The following DLGAP2 variants were observed in gnomAD, a reference collection of about 807,000 sequenced individuals.
The protein encoded by DLGAP2 is disks large-associated protein 2.
Under a neutral mutation model 100.3 loss-of-function variants are expected in DLGAP2, and 26 were observed. The observed-to-expected ratio is 0.26, with a 90% CI of 0.19 to 0.36. The LOEUF (loss-of-function observed/expected upper bound fraction) is 0.36. Ranked by LOEUF, DLGAP2 falls within the 10% of genes least tolerant of loss-of-function variation. The pLI is 1.00. For synonymous variants in DLGAP2, 886 were observed against 630.1 expected (o/e 1.41, Z -6.08); for missense variants, 1,858 against 1,453.2 (o/e 1.28, Z -4.53).
intron 2 of DLGAP2, among the ~76,000 whole-genome samples, chr8:1,211,345 A>G (rs1798100544): frequency 1.3e-5 from 2 of 152,228 alleles, no homozygotes; most frequent in African/African-American, 4.8e-5. Flanking sequence ...AATGAACACC[A>G]CCAGCCAACG....
At chr8:788,813 C>T (rs1017633762) in intron 1 of DLGAP2, among the ~76,000 whole-genome samples, 2 of 152,146 alleles carry the variant, frequency 1.3e-5, no homozygotes, top group African/African-American at 2.4e-5. Flanking sequence ...TCTACTTTAT[C>T]GAAAGGTTAA....
chr8:1,239,491 TCACA>T (rs529530567), intron 2 of DLGAP2, among the ~76,000 whole-genome samples: 526 of 72,950 alleles, frequency 7.2e-3, no homozygotes, highest in African/African-American at 0.022. Context: ...TAGTTCTGTC[TCACA>T]CAGAGCATCG....
intron 2 of DLGAP2, among the ~76,000 whole-genome samples, chr8:947,837 A>G (rs1291266335): frequency 8.9e-6 from 1 of 111,922 alleles, no homozygotes; most frequent in Non-Finnish European, 1.9e-5. Context: ...ATGGCTCCCG[A>G]CCCCGTGCCA....
At chr8:1,258,958 C>T (rs1799286397) in intron 3 of DLGAP2, 75 bp downstream of exon 3, 1 of 1,164,242 alleles carries the variant, frequency 8.6e-7, no homozygotes, top group Non-Finnish European at 1.1e-6. Context: ...AACAGTCTAC[C>T]ATGAAACGTG....
chr8:1,073,422 C>T (rs1262084587), intron 2 of DLGAP2, among the ~76,000 whole-genome samples: 1 of 151,998 alleles, frequency 6.6e-6, no homozygotes, highest in Admixed American at 6.6e-5. Flanking sequence ...TATGATAGAA[C>T]TATTTTTGTA....
At chr8:1,121,512 A>T (rs17753179) in intron 2 of DLGAP2, among the ~76,000 whole-genome samples, 33,907 of 151,512 alleles carry the variant, frequency 0.22, 4,414 homozygotes, top group Admixed American at 0.31. Context: ...TTCCTCCAGA[A>T]TCCATTACCA....
At chr8:995,142 G>T (rs1297615510) in intron 2 of DLGAP2, among the ~76,000 whole-genome samples, 1 of 151,866 alleles carries the variant, frequency 6.6e-6, no homozygotes, top group East Asian at 1.9e-4. Flanking sequence ...CTTTTAATTG[G>T]GTAATATTGA....
At chr8:1,476,087 G>A (rs973137627) in intron 3 of DLGAP2, among the ~76,000 whole-genome samples, 7 of 152,146 alleles carry the variant, frequency 4.6e-5, no homozygotes, top group Non-Finnish European at 4.4e-5. Flanking sequence ...ATTATAGGGC[G>A]TACAGTAACC....
intron 1 of DLGAP2, among the ~76,000 whole-genome samples, chr8:884,477 G>A (rs544330096): frequency 6.6e-5 from 10 of 151,766 alleles, no homozygotes; most frequent in Admixed American, 5.2e-4. Context: ...CCCACTTTTC[G>A]ATGTTTTTTT....
chr8:1,542,817 T>A (rs771667131), intron 4 of DLGAP2, among the ~76,000 whole-genome samples: 1 of 152,166 alleles, frequency 6.6e-6, no homozygotes, highest in East Asian at 1.9e-4. Flanking sequence ...CCCTCCAGCC[T>A]GTTCTCCCTT....
chr8:1,263,618 T>C (rs1349855535), intron 3 of DLGAP2, among the ~76,000 whole-genome samples: 1 of 152,224 alleles, frequency 6.6e-6, no homozygotes, highest in Non-Finnish European at 1.5e-5. Flanking sequence ...TGCAGTCTCC[T>C]TAGTGGGTTT....
chr8:1,546,820 C>G (rs981823852), intron 4 of DLGAP2, among the ~76,000 whole-genome samples: 6 of 152,088 alleles, frequency 3.9e-5, no homozygotes, highest in African/African-American at 1.4e-4. Flanking sequence ...GGGAGAGACG[C>G]TTATGGTGAC....
chr8:1,230,022 C>A (rs1429357431), intron 2 of DLGAP2, among the ~76,000 whole-genome samples: 4 of 152,078 alleles, frequency 2.6e-5, no homozygotes, highest in African/African-American at 9.7e-5. Context: ...AACAATCAGG[C>A]AAGAAAACGT....
At chr8:1,280,274 A>C (rs956207728) in intron 3 of DLGAP2, among the ~76,000 whole-genome samples, 2 of 152,124 alleles carry the variant, frequency 1.3e-5, no homozygotes, top group African/African-American at 2.4e-5. Context: ...CCATCTCTGC[A>C]CTTAGTTTAT....
At position 805,861 on chromosome 8, in the gene DLGAP2, G is replaced by A. The variant is rs538396991; in HGVS notation, c.18+68036G>A. Among the ~76,000 whole-genome samples the A allele has an allele frequency of 1.1e-4, 16 of 152,278 alleles. No individual in the cohort carries two copies. In the South Asian group the frequency reaches 2.9e-3, roughly 28 times the overall value. On this transcript the variant is annotated intron_variant, in intron 1 of 14. Transcript: ENST00000637795. Reference sequence around the variant, plus strand: ...TTTAAACGGTAGTTTCTAATGTCCCGTACACGTCTTGTTTGGATGTGGTCC... The same window carrying A: ...TTTAAACGGTAGTTTCTAATGTCCCATACACGTCTTGTTTGGATGTGGTCC...
At chr8:1,370,668 G>A (rs988243372) in intron 3 of DLGAP2, among the ~76,000 whole-genome samples, 1 of 152,206 alleles carries the variant, frequency 6.6e-6, no homozygotes, top group Admixed American at 6.5e-5. Context: ...CCATCTGAAG[G>A]CACCTGTTCC....
intron 2 of DLGAP2, among the ~76,000 whole-genome samples, chr8:1,121,590 C>G (rs1474318148): frequency 1.3e-5 from 2 of 152,192 alleles, no homozygotes; most frequent in Non-Finnish European, 2.9e-5. Flanking sequence ...GACCTCCCAT[C>G]CTCTTTCCTT....
At chr8:1,184,219 A>G (rs753363478) in intron 2 of DLGAP2, among the ~76,000 whole-genome samples, 8 of 152,272 alleles carry the variant, frequency 5.3e-5, no homozygotes. Context: ...AAAGGTTAAA[A>G]TTTAAGTTGC....
At chr8:1,493,561 G>C (rs1260724917) in intron 3 of DLGAP2, among the ~76,000 whole-genome samples, 2 of 152,244 alleles carry the variant, frequency 1.3e-5, no homozygotes. Context: ...GGAGCCGCGA[G>C]GGTCCTGGTG....
Sources: allele counts gnomAD v4.1 joint callset (sites outside exome capture counted in the v4.1 genomes callset), GRCh38; gene constraint gnomAD v4.1.1; transcripts MANE v1.5; gene names NCBI Gene and HGNC (gene_info 2026-07-23, HGNC 2026-07-21).